Variants in UTRN observed in about 807,000 individuals in gnomAD.
UTRN encodes the protein dystrophin-related protein 1.
UTRN carries 283 observed loss-of-function variants against 463.9 expected under a neutral mutation model. The ratio of observed to expected loss-of-function variants is 0.61; its 90% confidence interval spans 0.55 to 0.67. The LOEUF (loss-of-function observed/expected upper bound fraction) is 0.67, where lower values mean the gene tolerates loss of function less well. UTRN is among the 30% of genes least tolerant of loss of function. The pLI, the probability that UTRN is intolerant of heterozygous loss-of-function variation, is 0.00. For synonymous variants in UTRN, 1,442 were observed against 1,431.5 expected, an observed-to-expected ratio of 1.01 and a Z score of -0.17; for missense variants, 3,922 against 4,084.3, an observed-to-expected ratio of 0.96 and a Z score of 1.08.
intron 51 of UTRN, among the ~76,000 whole-genome samples, chr6:144,584,947 C>G (rs1802319342): frequency 6.6e-6 from 1 of 151,958 alleles, no homozygotes; most frequent in South Asian, 2.1e-4. Flanking sequence ...CTAATTCATG[C>G]TATTTAATTT....
chr6:144,851,761 C>T lies in UTRN; in HGVS notation c.*764C>T, dbSNP rs1001181817. On this transcript the variant is annotated 3_prime_UTR_variant, in exon 75 of 75. Coordinates refer to ENST00000367545, the MANE Select transcript of UTRN (RefSeq NM_007124.3). Reference sequence around the variant, plus strand: ...GGATATTTTTCCTGCATTTTATTCCCTTTTTATATAAGTAGGAATTAATTA... The same window carrying T: ...GGATATTTTTCCTGCATTTTATTCCTTTTTTATATAAGTAGGAATTAATTA... 4 of 152,036 alleles carry T rather than the reference C, an allele frequency of 2.6e-5. No individual in the cohort carries two copies. In the East Asian group the frequency reaches 7.7e-4, roughly 29 times the overall value. 9.4% of individuals were successfully genotyped at this position (152,036 alleles called of 1,614,324 possible).
chr6:144,772,239 GC>G (rs1794152940), intron 59 of UTRN, among the ~76,000 whole-genome samples: 1 of 151,636 alleles, frequency 6.6e-6, no homozygotes, highest in East Asian at 1.9e-4. Flanking sequence ...TTACTGTGTT[GC>G]CCAGGCTGGT....
In UTRN at chr6:144,404,904, T is replaced by A. The variant is rs950339647; in HGVS notation, c.141+1720T>A. Among the ~76,000 whole-genome samples the A allele has an allele frequency of 2.6e-5, 4 of 152,336 alleles. No homozygotes were observed. In the East Asian group the frequency reaches 7.7e-4, roughly 29 times the overall value. ...GGTAGTACCAGACTAGTTTATTAAA[T>A]GAACTTGATATTTAAATTTGTGCAT... On this transcript the variant is annotated intron_variant, in intron 3 of 74. Coordinates refer to ENST00000367545, the MANE Select transcript of UTRN (RefSeq NM_007124.3).
intron 60 of UTRN, among the ~76,000 whole-genome samples, chr6:144,780,512 T>G (rs1775728980): frequency 6.6e-6 from 1 of 152,202 alleles, no homozygotes; most frequent in African/African-American, 2.4e-5. Context: ...TGGACTCTAA[T>G]TTTCCTTACT....
intron 51 of UTRN, among the ~76,000 whole-genome samples, chr6:144,623,064 C>T (rs1414771726): frequency 6.6e-6 from 1 of 152,200 alleles, no homozygotes; most frequent in African/African-American, 2.4e-5. Flanking sequence ...CCTAGATAAA[C>T]TTATTTTCCC....
intron 7 of UTRN, 122 bp downstream of exon 7, chr6:144,426,581 G>A: frequency 1.0e-6 from 1 of 1,004,060 alleles, no homozygotes; most frequent in Non-Finnish European, 1.4e-6. Context: ...TTCTGCACAT[G>A]TTCTACCAAA....
At chr6:144,344,918 C>T (rs1482517790) in intron 2 of UTRN, among the ~76,000 whole-genome samples, 1 of 152,080 alleles carries the variant, frequency 6.6e-6, no homozygotes, top group African/African-American at 2.4e-5. Context: ...AGTTTACTTC[C>T]GGGGTGACTT....
At chr6:144,535,644 T>C (rs1429978114) in intron 43 of UTRN, among the ~76,000 whole-genome samples, 2 of 152,244 alleles carry the variant, frequency 1.3e-5, no homozygotes, top group African/African-American at 4.8e-5. Context: ...TGGTAGTCTA[T>C]ATTAAATTGG....
chr6:144,502,400 C>A (rs915469454), intron 34 of UTRN, among the ~76,000 whole-genome samples: 3 of 152,002 alleles, frequency 2.0e-5, no homozygotes, highest in East Asian at 1.9e-4. Flanking sequence ...CTAATGCTAC[C>A]CCTCCCCTAG....
intron 51 of UTRN, among the ~76,000 whole-genome samples, chr6:144,646,098 T>A (rs1778274464): frequency 6.6e-6 from 1 of 152,228 alleles, no homozygotes; most frequent in African/African-American, 2.4e-5. Flanking sequence ...TCGATTTTAC[T>A]GTATACTTAC....
At chr6:144,387,787 C>T (rs2114755720) in intron 2 of UTRN, among the ~76,000 whole-genome samples, 1 of 152,248 alleles carries the variant, frequency 6.6e-6, no homozygotes, top group South Asian at 2.1e-4. Context: ...GATTTGGGAG[C>T]TTTTTTTGTT....
At chr6:144,327,253 C>G (rs973312048) in intron 2 of UTRN, among the ~76,000 whole-genome samples, 1 of 152,122 alleles carries the variant, frequency 6.6e-6, no homozygotes, top group South Asian at 2.1e-4. Context: ...TTTCCTGTTA[C>G]GCATTTTCCT....
intron 50 of UTRN, among the ~76,000 whole-genome samples, chr6:144,560,776 A>G (rs1012805551): frequency 2.0e-5 from 3 of 152,106 alleles, no homozygotes; most frequent in Admixed American, 1.3e-4. Flanking sequence ...GCTCTTTATT[A>G]AAGTCTTTAT....
At chr6:144,733,803 C>T (rs1019678330) in intron 54 of UTRN, among the ~76,000 whole-genome samples, 15 of 152,108 alleles carry the variant, frequency 9.9e-5, no homozygotes, top group Admixed American at 7.9e-4. Flanking sequence ...TGAGGTCCAT[C>T]GAGGAAAAAT....
At chr6:144,368,891 A>T (rs749419721) in intron 2 of UTRN, among the ~76,000 whole-genome samples, 1 of 152,212 alleles carries the variant, frequency 6.6e-6, no homozygotes, top group Non-Finnish European at 1.5e-5. Flanking sequence ...TTCTTTTGTG[A>T]CTTACAAGGT....
chr6:144,509,776 A>T (rs1795022776), intron 34 of UTRN, among the ~76,000 whole-genome samples: 1 of 152,120 alleles, frequency 6.6e-6, no homozygotes, highest in African/African-American at 2.4e-5. Flanking sequence ...CTTAAATATA[A>T]CTATTTTCAA....
chr6:144,551,173 A>T lies in UTRN; in HGVS notation c.6928+91A>T. 3.9e-6 allele frequency: 3 copies of T among 763,476 alleles called. No individual in the cohort carries two copies. In the South Asian group the frequency reaches 7.1e-5, roughly 18 times the overall value. 47.3% of individuals were successfully genotyped at this position (763,476 alleles called of 1,614,324 possible). On this transcript the variant is annotated intron_variant, in intron 48 of 74. Coordinates refer to ENST00000367545, the MANE Select transcript of UTRN (RefSeq NM_007124.3). ...CACACACACACACACACACACAAAC[A>T]CATTTTCAAAGATTATTCAACTAGA...
At position 144,479,713 on chromosome 6, in the gene UTRN, G is replaced by T; in HGVS notation, c.3337-99G>T. 4 of 1,390,778 alleles carry T rather than the reference G, an allele frequency of 2.9e-6. No homozygotes were observed. The Admixed American group carries it at 9.3e-5, about 32-fold the overall frequency. The allele number at this position is 1,390,778 out of a possible 1,614,324, so 86.2% of individuals were successfully genotyped here. ...TGAATTTTAAAGCATGCAATTCGTTGTGGAAAGTTATTACTGTGCCTTTAA... is the reference window on the plus strand; with the variant it reads ...TGAATTTTAAAGCATGCAATTCGTTTTGGAAAGTTATTACTGTGCCTTTAA... On this transcript the variant is annotated intron_variant, in intron 25 of 74. Coordinates refer to ENST00000367545, the MANE Select transcript of UTRN (RefSeq NM_007124.3).
chr6:144,314,432 G>T (rs1026804373), intron 2 of UTRN, among the ~76,000 whole-genome samples: 6 of 152,200 alleles, frequency 3.9e-5, no homozygotes, highest in African/African-American at 1.4e-4. Context: ...CAGACATCGT[G>T]ACAACTTGTT....
Sources: gnomAD v4.1 joint callset for allele counts (sites outside exome capture counted in the v4.1 genomes callset) on GRCh38, gnomAD v4.1.1 for gene constraint, MANE v1.5 for transcripts, NCBI Gene and HGNC (gene_info 2026-07-23, HGNC 2026-07-21) for gene names.